The following RIMBP2 variants were observed in gnomAD, a reference collection of about 807,000 sequenced individuals.
RIMBP2 encodes the protein RIMS binding protein 2, also known as RIMS-binding protein 2.
A neutral mutation model predicts 118.6 loss-of-function variants in RIMBP2; 48 were observed. The observed-to-expected ratio is 0.40, with a 90% CI of 0.32 to 0.51. RIMBP2 has a LOEUF of 0.51. Among genes scored for constraint, RIMBP2 ranks in the 20% least tolerant of loss-of-function variants. The probability of loss-of-function intolerance (pLI) is 0.41; values close to 1 mark genes in which losing one functional copy is unlikely to be tolerated. For synonymous variants in RIMBP2, 762 were observed against 742.9 expected (o/e 1.03, Z -0.42); for missense variants, 1,551 against 1,768.3 (o/e 0.88, Z 2.20).
chr12:130,664,455 ATGCACG>A (rs1566439352), intron 1 of RIMBP2, among the ~76,000 whole-genome samples: 1 of 72,836 alleles, frequency 1.4e-5, no homozygotes, highest in Non-Finnish European at 3.7e-5. Context: ...ACGCACACAC[ATGCACG>A]CACACACACG....
At chr12:130,707,919 T>TGA (rs1566473196) in intron 1 of RIMBP2, among the ~76,000 whole-genome samples, 1 of 151,724 alleles carries the variant, frequency 6.6e-6, no homozygotes, top group African/African-American at 2.4e-5. Flanking sequence ...ATGGGGGGAT[T>TGA]GAGAGAGAGG....
intron 15 of RIMBP2, 195 bp downstream of exon 15, chr12:130,427,984 G>A (rs780792933): frequency 1.9e-6 from 1 of 523,592 alleles, no homozygotes; most frequent in East Asian, 3.4e-5. Context: ...CAGACCTTTT[G>A]GCCAAGAGCA....
rs115020188 is a variant in RIMBP2 at position 130,424,098 on chromosome 12, T to A, written c.3129+44A>T. 2.9e-6 allele frequency: 3 copies of A among 1,023,678 alleles called. No homozygotes were observed. Among genetic ancestry groups the A allele is most frequent in the Admixed American group, 8.5e-5 (2 of 23,422 alleles). 63.4% of individuals were successfully genotyped at this position (1,023,678 alleles called of 1,614,324 possible). The stretch of plus-strand genomic sequence containing the variant: ...AAAACCAGTGAAAGGATGGGACAGA[T>A]TGGTTTGGCAAGCGGCTGTGAAAAG... On this transcript the variant is annotated intron_variant, in intron 16 of 22. Transcript: ENST00000690449. This position sits in a 1 kb window ranked among gnomAD's most constrained non-coding sequence, Gnocchi z 9.8.
intron 7 of RIMBP2, among the ~76,000 whole-genome samples, chr12:130,452,076 TGTCAGAC>T (rs1022569030): frequency 5.9e-5 from 9 of 152,134 alleles, no homozygotes; most frequent in South Asian, 2.1e-4. Flanking sequence ...CTGGCCTGGG[TGTCAGAC>T]GACAGCGCAG....
chr12:130,412,245 G>A (rs924993321), intron 19 of RIMBP2, among the ~76,000 whole-genome samples: 2 of 152,100 alleles, frequency 1.3e-5, no homozygotes, highest in African/African-American at 2.4e-5. Flanking sequence ...AAGGCATAGC[G>A]GCCCCCCAAC....
chr12:130,493,076 G>A (rs767612492), intron 4 of RIMBP2, among the ~76,000 whole-genome samples: 4 of 152,090 alleles, frequency 2.6e-5, no homozygotes, highest in Non-Finnish European at 4.4e-5. Flanking sequence ...GGCGGAGGCT[G>A]CAGTGAGCCT....
Position 130,661,867 on chromosome 12 carries a change from G to A in RIMBP2, c.-351-33411C>T, listed in dbSNP as rs115349866. ...AGTATGCATCTCTGTTCCCGGTCAC[G>A]ACTGTGGAAATGAAGGTTCCAGAAC... is the stretch of plus-strand genomic sequence containing the variant. On this transcript the variant is annotated intron_variant, in intron 1 of 22. Coordinates refer to ENST00000690449, the MANE Select transcript of RIMBP2 (RefSeq NM_001393629.1). Among the ~76,000 whole-genome samples, 953 of 152,214 alleles carry A rather than the reference G, an allele frequency of 6.3e-3. 10 individuals carry two copies. The highest frequency in any genetic ancestry group is 0.021 in the African/African-American group (876 of 41,558).
rs527696145 is a variant in RIMBP2 at position 130,581,283 on chromosome 12, G to A, written c.-217+47039C>T. Among the ~76,000 whole-genome samples, 17 of 151,014 alleles carry A rather than the reference G, an allele frequency of 1.1e-4. No individual in the cohort carries two copies. Among genetic ancestry groups the A allele is most frequent in the Middle Eastern group, 3.4e-3 (1 of 294 alleles). ...AGTCAGGTTCAAACACAACAGGGTG[G>A]GGGGCGTGGATCTGGTGAGCTGAAG... On this transcript the variant is annotated intron_variant, in intron 2 of 22. Transcript: ENST00000690449. This position sits in a 1 kb window ranked among gnomAD's most constrained non-coding sequence, Gnocchi z 4.4.
intron 2 of RIMBP2, among the ~76,000 whole-genome samples, chr12:130,572,534 T>G (rs1253856844): frequency 6.6e-6 from 1 of 151,756 alleles, no homozygotes; most frequent in Non-Finnish European, 1.5e-5. Flanking sequence ...TGTGTGCAGG[T>G]TTTACTGGGC....
intron 2 of RIMBP2, among the ~76,000 whole-genome samples, chr12:130,585,652 GA>G (rs2058836269): frequency 6.7e-6 from 1 of 150,040 alleles, no homozygotes; most frequent in Non-Finnish European, 1.5e-5. Context: ...TTTAAAACCA[GA>G]AGATTCTACA....
chr12:130,541,568 T>A (rs2054605252), intron 2 of RIMBP2, among the ~76,000 whole-genome samples: 1 of 152,262 alleles, frequency 6.6e-6, no homozygotes, highest in South Asian at 2.1e-4. Context: ...TATAGATGTT[T>A]ACTCATCAGC....
Position 130,511,655 on chromosome 12 carries a change from G to A in RIMBP2, c.-126-4885C>T, listed in dbSNP as rs1222637644. 6.6e-6 allele frequency among the ~76,000 whole-genome samples: 1 copy of A among 152,202 alleles called. No individual in the cohort carries two copies. The highest frequency in any genetic ancestry group is 1.5e-5 in the Non-Finnish European group (1 of 68,044). On this transcript the variant is annotated intron_variant, in intron 3 of 22. Transcript: ENST00000690449. The surrounding 1 kb of genome is among the most constrained non-coding windows in gnomAD (Gnocchi z 4.3). ...GAGTATGCGCCATCTCTCTCCTGCTGGGACCAGACTGAGACCGTCTGTGAC... is the reference window on the plus strand; with the variant it reads ...GAGTATGCGCCATCTCTCTCCTGCTAGGACCAGACTGAGACCGTCTGTGAC...
Position 130,417,976 on chromosome 12 carries a change from C to A in RIMBP2, c.3239-3670G>T, listed in dbSNP as rs10848099. On this transcript the variant is annotated intron_variant, in intron 17 of 22. Coordinates refer to ENST00000690449, the MANE Select transcript of RIMBP2 (RefSeq NM_001393629.1). ...CGCCAGCTGGCAGCAGAGAGAGCAGCATTGGGAGAAGCAGCCCAGTGTGAG... is the reference window on the plus strand; with the variant it reads ...CGCCAGCTGGCAGCAGAGAGAGCAGAATTGGGAGAAGCAGCCCAGTGTGAG... 5.3e-5 allele frequency among the ~76,000 whole-genome samples: 8 copies of A among 151,970 alleles called. 1 individual carries two copies. The highest frequency in any genetic ancestry group is 1.9e-4 in the African/African-American group (8 of 41,438).
intron 1 of RIMBP2, among the ~76,000 whole-genome samples, chr12:130,706,557 G>A (rs117715763): frequency 0.023 from 3,555 of 152,346 alleles, 56 homozygotes; most frequent in East Asian, 0.082. Context: ...AGGCAGGTCC[G>A]CGCTCCCCAT....
intron 2 of RIMBP2, among the ~76,000 whole-genome samples, chr12:130,568,219 A>G (rs1420955323): frequency 1.3e-5 from 2 of 152,054 alleles, no homozygotes; most frequent in Non-Finnish European, 2.9e-5. Flanking sequence ...CAACCAACCA[A>G]CCTTGCAAGA....
chr12:130,611,080 A>G (rs1258752238), intron 2 of RIMBP2, among the ~76,000 whole-genome samples: 1 of 152,224 alleles, frequency 6.6e-6, no homozygotes, highest in Non-Finnish European at 1.5e-5. Context: ...CAAAAAGGCC[A>G]GGAGAAGAGA....
Position 130,683,612 on chromosome 12 carries a change from C to T in RIMBP2, c.-352+32610G>A, listed in dbSNP as rs2136577445. On this transcript the variant is annotated intron_variant, in intron 1 of 22. Coordinates refer to ENST00000690449, the MANE Select transcript of RIMBP2 (RefSeq NM_001393629.1). This position sits in a 1 kb window ranked among gnomAD's most constrained non-coding sequence, Gnocchi z 4.4. ...TAGGAGGTCGACAAAAGACACAGGT[C>T]ATAAAGACCTTGCGGATAAAACAGT... Among the ~76,000 whole-genome samples the T allele has an allele frequency of 6.6e-6, 1 of 152,266 alleles. No individual in the cohort carries two copies. Among genetic ancestry groups the T allele is most frequent in the Admixed American group, 6.5e-5 (1 of 15,296 alleles).
At chr12:130,522,076 G>A (rs2052191119) in intron 2 of RIMBP2, among the ~76,000 whole-genome samples, 1 of 152,196 alleles carries the variant, frequency 6.6e-6, no homozygotes, top group Admixed American at 6.5e-5. Flanking sequence ...TTGGATGTGA[G>A]GACTCCTAGG....
At chr12:130,403,846 T>G (rs1458033890) in intron 21 of RIMBP2, among the ~76,000 whole-genome samples, 1 of 152,202 alleles carries the variant, frequency 6.6e-6, no homozygotes, top group Non-Finnish European at 1.5e-5. Flanking sequence ...AAAAATATTA[T>G]ATATGATGGC....
Sources: gnomAD v4.1 joint callset for allele counts (sites outside exome capture counted in the v4.1 genomes callset) on GRCh38, gnomAD v4.1.1 for gene constraint, Gnocchi (gnomAD v3.1) non-coding constraint, MANE v1.5 for transcripts, NCBI Gene and HGNC (gene_info 2026-07-23, HGNC 2026-07-21) for gene names.